Variants in PHF14 observed in about 807,000 individuals in gnomAD.
The protein encoded by PHF14 is PHD finger protein 14.
Under a neutral mutation model 117.9 loss-of-function variants are expected in PHF14, and 55 were observed. The ratio of observed to expected loss-of-function variants is 0.47; its 90% confidence interval spans 0.38 to 0.58. The LOEUF (loss-of-function observed/expected upper bound fraction) is 0.58, where lower values mean the gene tolerates loss of function less well. PHF14 is among the 20% of genes least tolerant of loss of function. The pLI is 0.00. For synonymous variants in PHF14, 409 were observed against 368.6 expected (o/e 1.11, Z -1.26); for missense variants, 978 against 1,122.2 (o/e 0.87, Z 1.84).
chr7:10,997,368 A>C (rs1332694337), intron 4 of PHF14, among the ~76,000 whole-genome samples: 2 of 152,228 alleles, frequency 1.3e-5, no homozygotes, highest in Non-Finnish European at 2.9e-5. Flanking sequence ...ATGAGTTTTT[A>C]TATAGAGAAG....
At chr7:11,134,278 G>A (rs1309036511) in intron 17 of PHF14, among the ~76,000 whole-genome samples, 3 of 151,724 alleles carry the variant, frequency 2.0e-5, no homozygotes, top group South Asian at 2.1e-4. Context: ...ACATTTTGCC[G>A]CTTTTAAAAG....
chr7:11,095,727 A>G (rs1734969261), intron 16 of PHF14, among the ~76,000 whole-genome samples: 1 of 152,188 alleles, frequency 6.6e-6, no homozygotes. Flanking sequence ...CTGTGTTTCA[A>G]ATGAGAAGCT....
chr7:11,035,497 T>C, intron 7 of PHF14, 143 bp from the exon 8 acceptor site: 2 of 444,668 alleles, frequency 4.5e-6, no homozygotes, highest in Non-Finnish European at 7.6e-6. Flanking sequence ...TGTCATTATG[T>C]ACAAAAATTA....
intron 16 of PHF14, chr7:11,105,890 A>T (rs1413231183): frequency 3.1e-6 from 3 of 983,542 alleles, no homozygotes; most frequent in African/African-American, 3.5e-5. Flanking sequence ...TAAAATCAGG[A>T]TCTACACTAT....
At chr7:10,996,391 T>C (rs1325829264) in intron 4 of PHF14, among the ~76,000 whole-genome samples, 2 of 152,176 alleles carry the variant, frequency 1.3e-5, no homozygotes, top group Non-Finnish European at 2.9e-5. Flanking sequence ...TAAATGCTTG[T>C]AACAAAGTCA....
At position 10,983,229 on chromosome 7, in the gene PHF14, A is replaced by G. The variant is rs559328789; in HGVS notation, c.900+70A>G. Reference sequence around the variant, plus strand: ...AATTCTTCTCTAAATCACTCTACACATTGTATTAAGTGGCTTCCTTGAAAT... The same window carrying G: ...AATTCTTCTCTAAATCACTCTACACGTTGTATTAAGTGGCTTCCTTGAAAT... On this transcript the variant is annotated intron_variant, in intron 3 of 17. Transcript: ENST00000634607. The G allele has an allele frequency of 2.4e-5, 36 of 1,505,840 alleles. 1 individual carries two copies. The highest frequency in any genetic ancestry group is 5.3e-5 in the South Asian group (4 of 75,266). The allele number at this position is 1,505,840 out of a possible 1,614,324, so 93.3% of individuals were successfully genotyped here. A position where few individuals can be genotyped will look rare whatever the true frequency, so the allele number is the denominator to read the frequency against.
intron 14 of PHF14, among the ~76,000 whole-genome samples, chr7:11,059,896 G>A (rs957912001): frequency 6.6e-6 from 1 of 152,048 alleles, no homozygotes; most frequent in Non-Finnish European, 1.5e-5. Context: ...TTGAGACAAA[G>A]TCTCGTCCTG....
intron 7 of PHF14, among the ~76,000 whole-genome samples, chr7:11,029,494 T>G (rs1182788230): frequency 6.6e-6 from 1 of 152,192 alleles, no homozygotes; most frequent in Non-Finnish European, 1.5e-5. Context: ...CTACCTTTTT[T>G]TATGTCAGTT....
intron 17 of PHF14, among the ~76,000 whole-genome samples, chr7:11,168,306 G>C (rs1001110403): frequency 6.6e-6 from 1 of 152,088 alleles, no homozygotes; most frequent in African/African-American, 2.4e-5. Flanking sequence ...TGTTAACAAA[G>C]TCTAAATCAC....
In PHF14 at chr7:10,982,517, GGAA is replaced by G; in HGVS notation, c.263_265del (p.Glu88del). ...AAGAACAACTTAAAAATTCTGCAGAGGAAGAAGTACTATCATCAGAAAAACAAT... is the reference window on the plus strand; with the variant it reads ...AAGAACAACTTAAAAATTCTGCAGAGGAAGTACTATCATCAGAAAAACAAT... On this transcript the variant is annotated inframe_deletion, in exon 3 of 18. Coordinates refer to ENST00000634607, the MANE Select transcript of PHF14 (RefSeq NM_001007157.2). The G allele has an allele frequency of 6.5e-7, 1 of 1,543,100 alleles. No individual in the cohort carries two copies. The highest frequency in any genetic ancestry group is 8.8e-7 in the Non-Finnish European group (1 of 1,131,908).
intron 16 of PHF14, among the ~76,000 whole-genome samples, chr7:11,094,694 C>T (rs1017454759): frequency 6.6e-6 from 1 of 152,166 alleles, no homozygotes; most frequent in Non-Finnish European, 1.5e-5. Flanking sequence ...GGCTTCTGTA[C>T]TCTGATATTA....
chr7:11,132,731 A>G (rs757574483), intron 17 of PHF14, among the ~76,000 whole-genome samples: 1 of 151,716 alleles, frequency 6.6e-6, no homozygotes, highest in South Asian at 2.1e-4. Context: ...AGTGTACATG[A>G]GTTCCCCTTT....
intron 16 of PHF14, chr7:11,102,911 A>G: frequency 9.4e-7 from 1 of 1,067,176 alleles, no homozygotes; most frequent in Non-Finnish European, 1.1e-6. Context: ...GGACTTACTG[A>G]AGAGTTACTG....
intron 16 of PHF14, among the ~76,000 whole-genome samples, chr7:11,092,111 T>A (rs184618278): frequency 6.6e-6 from 1 of 152,322 alleles, no homozygotes; most frequent in Admixed American, 6.5e-5. Context: ...ATAATACTTA[T>A]CTCTGCTTAG....
intron 4 of PHF14, among the ~76,000 whole-genome samples, chr7:10,996,141 T>C (rs1429967734): frequency 1.3e-5 from 2 of 152,192 alleles, no homozygotes; most frequent in South Asian, 4.1e-4. Context: ...AGGATTAATA[T>C]GGTTTGATTC....
intron 6 of PHF14, among the ~76,000 whole-genome samples, chr7:11,024,178 C>T (rs897434107): frequency 2.0e-5 from 3 of 152,124 alleles, no homozygotes; most frequent in Non-Finnish European, 4.4e-5. Flanking sequence ...AAAACCTCAT[C>T]CAGAGCATGA....
chr7:11,044,993 C>G (rs1418705054), intron 13 of PHF14, among the ~76,000 whole-genome samples: 2 of 152,144 alleles, frequency 1.3e-5, no homozygotes, highest in Non-Finnish European at 2.9e-5. Flanking sequence ...GATTTTGGAG[C>G]ACTTCAGATT....
chr7:11,045,560 A>C (rs147963073), intron 13 of PHF14, among the ~76,000 whole-genome samples: 89 of 152,274 alleles, frequency 5.8e-4, no homozygotes, highest in Middle Eastern at 3.4e-3. Flanking sequence ...TATTTTAAGC[A>C]CTTGCTATCC....
chr7:11,052,422 C>G (rs1157897986), intron 14 of PHF14, among the ~76,000 whole-genome samples: 1 of 151,800 alleles, frequency 6.6e-6, no homozygotes, highest in Non-Finnish European at 1.5e-5. Context: ...TCATGTTTTT[C>G]TATTCTATAC....
Sources: allele counts gnomAD v4.1 joint callset (sites outside exome capture counted in the v4.1 genomes callset), GRCh38; gene constraint gnomAD v4.1.1; transcripts MANE v1.5; gene names NCBI Gene and HGNC (gene_info 2026-07-23, HGNC 2026-07-21).